Variants in ARHGAP15 observed in about 807,000 individuals in gnomAD.
The protein encoded by ARHGAP15 is rho GTPase-activating protein 15.
A neutral mutation model predicts 63.7 loss-of-function variants in ARHGAP15; 51 were observed. The observed-to-expected ratio is 0.80, with a 90% CI of 0.64 to 1.01. The LOEUF is 1.01. Ranked by LOEUF, ARHGAP15 falls within the 50% of genes least tolerant of loss-of-function variation. ARHGAP15 has a pLI of 0.00. For synonymous variants in ARHGAP15, 191 were observed against 193.8 expected, an observed-to-expected ratio of 0.99 and a Z score of 0.12; for missense variants, 560 against 564.6, an observed-to-expected ratio of 0.99 and a Z score of 0.08.
At chr2:143,212,521 T>A (rs1235183103) in intron 3 of ARHGAP15, among the ~76,000 whole-genome samples, 2 of 152,208 alleles carry the variant, frequency 1.3e-5, no homozygotes, top group African/African-American at 4.8e-5. Flanking sequence ...TGCTACTTCT[T>A]TAAAGAACTT....
intron 9 of ARHGAP15, among the ~76,000 whole-genome samples, chr2:143,518,452 A>G (rs1240968502): frequency 6.6e-6 from 1 of 152,252 alleles, no homozygotes; most frequent in South Asian, 2.1e-4. Context: ...ATGTTGCTCA[A>G]ATAAGTTTGG....
At chr2:143,428,834 T>C (rs1416359986) in intron 6 of ARHGAP15, among the ~76,000 whole-genome samples, 5 of 152,118 alleles carry the variant, frequency 3.3e-5, no homozygotes, top group Non-Finnish European at 7.4e-5. Context: ...GATTCCCAAG[T>C]GTCATGTGAC....
intron 8 of ARHGAP15, among the ~76,000 whole-genome samples, chr2:143,475,659 G>A (rs542885485): frequency 7.2e-5 from 11 of 152,232 alleles, no homozygotes; most frequent in Non-Finnish European, 7.3e-5. Context: ...GGGGAATGTG[G>A]GGGTAAGAAG....
chr2:143,311,464 T>C (rs1285227761), intron 6 of ARHGAP15, among the ~76,000 whole-genome samples: 2 of 152,092 alleles, frequency 1.3e-5, no homozygotes, highest in Non-Finnish European at 2.9e-5. Flanking sequence ...GACATAAAAC[T>C]AGAGAGGAAA....
chr2:143,613,207 C>G (rs1033336253), intron 11 of ARHGAP15, among the ~76,000 whole-genome samples: 4 of 152,138 alleles, frequency 2.6e-5, no homozygotes, highest in Non-Finnish European at 5.9e-5. Context: ...TTCTTTTTCC[C>G]TCATCATAAA....
intron 6 of ARHGAP15, among the ~76,000 whole-genome samples, chr2:143,367,498 C>A (rs1314778721): frequency 6.6e-6 from 1 of 151,896 alleles, no homozygotes; most frequent in Non-Finnish European, 1.5e-5. Flanking sequence ...TTTGTATTTT[C>A]TTGTTCATAC....
chr2:143,657,877 T>C (rs1200356476), intron 12 of ARHGAP15, among the ~76,000 whole-genome samples: 1 of 152,236 alleles, frequency 6.6e-6, no homozygotes, highest in African/African-American at 2.4e-5. Context: ...GTTCAAATTA[T>C]TTCAGTACCT....
chr2:143,315,835 A>G (rs1683676679), intron 6 of ARHGAP15, among the ~76,000 whole-genome samples: 1 of 152,162 alleles, frequency 6.6e-6, no homozygotes, highest in East Asian at 1.9e-4. Flanking sequence ...CTGTAATCCC[A>G]GCACTTTGGG....
intron 12 of ARHGAP15, among the ~76,000 whole-genome samples, chr2:143,678,916 AT>A (rs984032661): frequency 2.0e-5 from 3 of 152,294 alleles, no homozygotes; most frequent in East Asian, 1.9e-4. Flanking sequence ...GAAAGCATAC[AT>A]TTTTTAGTGT....
chr2:143,292,526 T>C (rs1159785371), intron 6 of ARHGAP15, among the ~76,000 whole-genome samples: 4 of 152,130 alleles, frequency 2.6e-5, no homozygotes, highest in Non-Finnish European at 5.9e-5. Flanking sequence ...GTCATTTATA[T>C]ACTTCACCTT....
At chr2:143,709,371 GTTA>G (rs898288577) in intron 13 of ARHGAP15, among the ~76,000 whole-genome samples, 7 of 152,318 alleles carry the variant, frequency 4.6e-5, no homozygotes, top group African/African-American at 1.7e-4. Flanking sequence ...AGGAAGTAAT[GTTA>G]TTTGTTGATT....
intron 8 of ARHGAP15, among the ~76,000 whole-genome samples, chr2:143,455,299 T>C (rs1690595549): frequency 6.6e-6 from 1 of 152,062 alleles, no homozygotes; most frequent in Non-Finnish European, 1.5e-5. Context: ...GCTGATGCAT[T>C]ATAGTTAGTG....
rs527501386 is a variant in ARHGAP15, at chr2:143,526,126, T to C, written c.925+6762T>C. ...GTATACGGAGCTGGTTATTAATTAATTCACATATTTATTAGTGACATTTAA... is the reference window on the plus strand; with the variant it reads ...GTATACGGAGCTGGTTATTAATTAACTCACATATTTATTAGTGACATTTAA... On this transcript the variant is annotated intron_variant, in intron 10 of 13. Transcript: ENST00000295095. 1.5e-4 allele frequency among the ~76,000 whole-genome samples: 23 copies of C among 151,634 alleles called. 1 individual carries two copies. In the South Asian group the frequency reaches 1.9e-3, roughly 12 times the overall value.
chr2:143,464,862 T>C (rs558288617), intron 8 of ARHGAP15, among the ~76,000 whole-genome samples: 30 of 152,290 alleles, frequency 2.0e-4, no homozygotes, highest in African/African-American at 7.2e-4. Flanking sequence ...TATTGGAAAA[T>C]TTTGCTTTAT....
intron 2 of ARHGAP15, among the ~76,000 whole-genome samples, chr2:143,186,508 C>T (rs552360919): frequency 5.6e-4 from 86 of 152,222 alleles, no homozygotes; most frequent in African/African-American, 2.1e-3. Flanking sequence ...TTTAGTTCTC[C>T]ATTCCTCATC....
chr2:143,705,864 T>C (rs1684304404), intron 13 of ARHGAP15, among the ~76,000 whole-genome samples: 1 of 152,210 alleles, frequency 6.6e-6, no homozygotes, highest in South Asian at 2.1e-4. Context: ...CGATCGTCCA[T>C]GTCCAGGCCA....
intron 8 of ARHGAP15, among the ~76,000 whole-genome samples, chr2:143,470,435 A>G (rs1691461879): frequency 6.6e-6 from 1 of 151,648 alleles, no homozygotes; most frequent in Admixed American, 6.6e-5. Flanking sequence ...TTCTTAGAGC[A>G]TAGGGCTTTT....
rs1052636256 is a variant in ARHGAP15, at chr2:143,539,488, A to C, written c.926-16920A>C. On this transcript the variant is annotated intron_variant, in intron 10 of 13. Transcript: ENST00000295095. ...TGTGATGTTAGGGTGTCAATTTTAGATCTTTCCTGCTTTCTCTTGTGGGCA... is the reference window on the plus strand; with the variant it reads ...TGTGATGTTAGGGTGTCAATTTTAGCTCTTTCCTGCTTTCTCTTGTGGGCA... Among the ~76,000 whole-genome samples, 52 of 151,660 alleles carry C rather than the reference A, an allele frequency of 3.4e-4. 1 individual carries two copies. The highest frequency in any genetic ancestry group is 5.4e-4 in the Non-Finnish European group (37 of 67,906).
At chr2:143,646,848 G>T (rs1239793933) in intron 12 of ARHGAP15, among the ~76,000 whole-genome samples, 1 of 151,964 alleles carries the variant, frequency 6.6e-6, no homozygotes, top group Non-Finnish European at 1.5e-5. Flanking sequence ...TTAAGTGCTT[G>T]TCAATCCAAA....
Sources: allele counts gnomAD v4.1 joint callset (sites outside exome capture counted in the v4.1 genomes callset), GRCh38; gene constraint gnomAD v4.1.1; transcripts MANE v1.5; gene names NCBI Gene and HGNC (gene_info 2026-07-23, HGNC 2026-07-21).